DAGLA: variants seen among roughly 807,000 people sequenced by gnomAD.
DAGLA encodes diacylglycerol lipase-alpha.
DAGLA carries 22 observed loss-of-function variants against 102.6 expected under a neutral mutation model. The observed-to-expected ratio is 0.21, with a 90% CI of 0.15 to 0.31. DAGLA has a LOEUF of 0.31. Among genes scored for constraint, DAGLA ranks in the 10% least tolerant of loss-of-function variants. The pLI is 1.00. For missense variants in DAGLA, 927 were observed against 1,446.6 expected, an observed-to-expected ratio of 0.64 and a Z score of 5.83; for synonymous variants, 578 against 628.9, an observed-to-expected ratio of 0.92 and a Z score of 1.21.
At chr11:61,721,223 G>A (rs1225320827) in intron 3 of DAGLA, among the ~76,000 whole-genome samples, 8 of 151,966 alleles carry the variant, frequency 5.3e-5, no homozygotes, top group African/African-American at 1.2e-4. Context: ...GGGAAACCCC[G>A]TCTCTACTAA....
chr11:61,728,237 G>C lies in DAGLA; in HGVS notation c.721G>C (p.Val241Leu). The C allele has an allele frequency of 6.2e-7, 1 of 1,613,974 alleles. No individual in the cohort carries two copies. Among genetic ancestry groups the C allele is most frequent in the East Asian group, 2.2e-5 (1 of 44,880 alleles). Reference sequence around the variant, plus strand: ...GCCATCCGACATCATTGCTGGCCTGGTGCTGCTCCGGCAGCGGCAGCGGGC... The same window carrying C: ...GCCATCCGACATCATTGCTGGCCTGCTGCTGCTCCGGCAGCGGCAGCGGGC... The part of the protein sequence containing the change: ...IVPSDIIAGL[V>L]LLRQRQRAKR... The change falls in exon 7 of 20, where the codon GTG (valine) becomes CTG (leucine). Residue 241 changes from valine (V) to leucine (L), a missense_variant. Val to Leu is a conservative substitution (Grantham distance 32, BLOSUM62 1). Coordinates refer to ENST00000257215, the MANE Select transcript of DAGLA (RefSeq NM_006133.3).
intron 1 of DAGLA, among the ~76,000 whole-genome samples, chr11:61,701,223 T>C (rs1296733120): frequency 1.3e-5 from 2 of 152,226 alleles, no homozygotes; most frequent in South Asian, 2.1e-4. Context: ...CTCCATCCCT[T>C]GGGCCTTTTC....
intron 1 of DAGLA, among the ~76,000 whole-genome samples, chr11:61,718,155 G>A (rs2065251548): frequency 6.6e-6 from 1 of 152,130 alleles, no homozygotes; most frequent in Non-Finnish European, 1.5e-5. Flanking sequence ...GCAGAGGCAG[G>A]CCTGGGGGCA....
At chr11:61,702,665 A>G (rs1482907001) in intron 1 of DAGLA, among the ~76,000 whole-genome samples, 8 of 152,228 alleles carry the variant, frequency 5.3e-5, no homozygotes, top group Non-Finnish European at 1.0e-4. Context: ...AGAGGGCTTC[A>G]GTCTCCTGGC....
Position 61,722,955 on chromosome 11 carries a change from C to T in DAGLA, c.404C>T (p.Thr135Ile). The change falls in exon 4 of 20, where the codon ACC becomes ATC. Residue 135 changes from threonine (T) to isoleucine (I), a missense_variant. Physicochemically the swap from Thr to Ile is moderately conservative, Grantham distance 89. This residue lies in a region of DAGLA where 231 missense variants were observed against 439.8 expected (regional missense o/e 0.53). Transcript: ENST00000257215. ...AACGACCTCACTGCCAAGAATGTCA[C>T]CCTCGGTACGTCTGGGTGAGGCCTG... ...SCNDLTAKNV[T>I]LGMVVCNWVV... 1 of 1,613,410 alleles carries T rather than the reference C, an allele frequency of 6.2e-7. No homozygotes were observed. Among genetic ancestry groups the T allele is most frequent in the Non-Finnish European group, 8.5e-7 (1 of 1,179,378 alleles).
At chr11:61,726,719 G>A (rs372477212) in intron 6 of DAGLA, among the ~76,000 whole-genome samples, 31 of 152,334 alleles carry the variant, frequency 2.0e-4, no homozygotes, top group African/African-American at 7.0e-4. Context: ...CTTGCTCAGC[G>A]TCCCACAGCT....
intron 1 of DAGLA, among the ~76,000 whole-genome samples, chr11:61,712,697 T>C (rs1219871536): frequency 6.6e-6 from 1 of 152,176 alleles, no homozygotes; most frequent in African/African-American, 2.4e-5. Flanking sequence ...CCACACGTGC[T>C]TTCTCTCCGT....
intron 1 of DAGLA, among the ~76,000 whole-genome samples, chr11:61,692,164 T>C (rs1383660369): frequency 6.6e-6 from 1 of 152,192 alleles, no homozygotes; most frequent in Admixed American, 6.5e-5. Context: ...ACCCAGGGCC[T>C]GCACAGGTGC....
rs777166027 is a variant in DAGLA, at chr11:61,684,220, A to G, written c.-45+3716A>G. On this transcript the variant is annotated intron_variant, in intron 1 of 19. Transcript: ENST00000257215. The surrounding 1 kb of genome is among the most constrained non-coding windows in gnomAD (Gnocchi z 4.5). ...TGTTGGCCCATCACTCTGTGATTTC[A>G]ATTTCTCACCGGAATAGCTTTACAT... Among the ~76,000 whole-genome samples, 2 of 152,192 alleles carry G rather than the reference A, an allele frequency of 1.3e-5. No homozygotes were observed. Among genetic ancestry groups the G allele is most frequent in the Non-Finnish European group, 2.9e-5 (2 of 68,042 alleles).
At chr11:61,729,211 A>G (rs1779474071) in intron 8 of DAGLA, among the ~76,000 whole-genome samples, 1 of 152,164 alleles carries the variant, frequency 6.6e-6, no homozygotes, top group East Asian at 1.9e-4. Flanking sequence ...TCGACAGACA[A>G]ATCCCCTGAA....
At chr11:61,698,581 C>A (rs2065085101) in intron 1 of DAGLA, among the ~76,000 whole-genome samples, 2 of 152,236 alleles carry the variant, frequency 1.3e-5, no homozygotes, top group Non-Finnish European at 2.9e-5. Context: ...ACCCCACCTG[C>A]TTCCCTGGGG....
rs1591021912 is a variant in DAGLA at position 61,686,683 on chromosome 11, C to G, written c.-45+6179C>G. On this transcript the variant is annotated intron_variant, in intron 1 of 19. Coordinates refer to ENST00000257215, the MANE Select transcript of DAGLA (RefSeq NM_006133.3). The surrounding 1 kb of genome is among the most constrained non-coding windows in gnomAD (Gnocchi z 5.2). ...TGGGGTGGAGGTCGGGACGGTGGCC[C>G]TCCGCTGTGTAAGGTGAGACAGGAT... Among the ~76,000 whole-genome samples the G allele has an allele frequency of 2.0e-5, 3 of 152,182 alleles. No individual in the cohort carries two copies. The highest frequency in any genetic ancestry group is 7.2e-5 in the African/African-American group (3 of 41,430).
Position 61,684,135 on chromosome 11 carries a change from G to A in DAGLA, c.-45+3631G>A, listed in dbSNP as rs55885283. 0.21 allele frequency among the ~76,000 whole-genome samples: 31,735 copies of A among 152,156 alleles called. 3,659 individuals carry two copies. The highest frequency in any genetic ancestry group is 0.31 in the South Asian group (1,477 of 4,822). On this transcript the variant is annotated intron_variant, in intron 1 of 19. Transcript: ENST00000257215. This position sits in a 1 kb window ranked among gnomAD's most constrained non-coding sequence, Gnocchi z 4.5. ...CTGAAGGCACAGCTTGTCACTGGAA[G>A]CCACTCCTCCCCCAGTCCCTCTCCT...
intron 1 of DAGLA, among the ~76,000 whole-genome samples, chr11:61,695,291 C>G (rs1229522056): frequency 9.4e-6 from 1 of 106,116 alleles, no homozygotes; most frequent in East Asian, 3.5e-4. Flanking sequence ...GAAGCTTTCT[C>G]TGTCTGCCTG....
intron 15 of DAGLA, 93 bp from the exon 16 acceptor site, chr11:61,738,042 C>A: frequency 1.0e-6 from 1 of 1,002,224 alleles, no homozygotes; most frequent in Non-Finnish European, 1.6e-6. Context: ...GTTCCAGGGG[C>A]TAGGCGTGTG....
intron 6 of DAGLA, among the ~76,000 whole-genome samples, chr11:61,726,617 G>T (rs2065329338): frequency 6.6e-6 from 1 of 152,192 alleles, no homozygotes. Flanking sequence ...ATCATCCAGG[G>T]GTGCCCCGCA....
rs1320098335 is a variant in DAGLA at position 61,739,477 on chromosome 11, G to A, written c.1669G>A (p.Val557Met). Reference protein sequence around the residue: ...RSTKPKWRIIVGATKCIPKSE... With the variant: ...RSTKPKWRIIMGATKCIPKSE... ...CCACCCCGCGCAGTGGCGGATCATC[G>A]TGGGGGCCACCAAATGCATCCCCAA... Residue 557 changes from valine to methionine, a missense_variant, in exon 17 of 20, where the codon GTG becomes ATG. Around this residue, in one of 4 missense-constraint regions of DAGLA, gnomAD observed 218 missense variants for 459.6 expected, o/e 0.47. Coordinates refer to ENST00000257215, the MANE Select transcript of DAGLA (RefSeq NM_006133.3). The A allele has an allele frequency of 2.5e-6, 4 of 1,613,468 alleles. No homozygotes were observed. Among genetic ancestry groups the A allele is most frequent in the South Asian group, 2.2e-5 (2 of 91,072 alleles).
intron 1 of DAGLA, among the ~76,000 whole-genome samples, chr11:61,718,991 C>T (rs1000806780): frequency 1.3e-5 from 2 of 152,230 alleles, no homozygotes; most frequent in Non-Finnish European, 2.9e-5. Context: ...CCGCCTGCCC[C>T]GGACCAGGTG....
intron 5 of DAGLA, among the ~76,000 whole-genome samples, chr11:61,725,356 G>A (rs1352190909): frequency 6.6e-6 from 1 of 152,160 alleles, no homozygotes; most frequent in Non-Finnish European, 1.5e-5. Context: ...GGATGGGGTT[G>A]GGGGGTGAGA....
Sources: allele counts gnomAD v4.1 joint callset (sites outside exome capture counted in the v4.1 genomes callset), GRCh38; gene constraint gnomAD v4.1.1; regional missense constraint gnomAD v4.1.1; non-coding constraint Gnocchi (gnomAD v3.1); transcripts MANE v1.5; gene names NCBI Gene and HGNC (gene_info 2026-07-23, HGNC 2026-07-21).